Variants in SLC27A1 observed in about 807,000 individuals in gnomAD.
SLC27A1 encodes the protein solute carrier family 27 member 1, also known as long-chain fatty acid transport protein 1.
A neutral mutation model predicts 62.2 loss-of-function variants in SLC27A1; 61 were observed. The ratio of observed to expected loss-of-function variants is 0.98; its 90% CI spans 0.80 to 1.21. SLC27A1 has a LOEUF of 1.21. Among genes scored for constraint, SLC27A1 ranks in the 50% most tolerant of loss-of-function variants. The probability of loss-of-function intolerance (pLI) is 0.00; values close to 1 mark genes in which losing one functional copy is unlikely to be tolerated. For synonymous variants in SLC27A1, 435 were observed against 408.6 expected, an observed-to-expected ratio of 1.06 and a Z score of -0.78; for missense variants, 903 against 932.1, an observed-to-expected ratio of 0.97 and a Z score of 0.41.
chr19:17,492,822 C>T (rs1316559786), intron 6 of SLC27A1, among the ~76,000 whole-genome samples: 1 of 151,914 alleles, frequency 6.6e-6, no homozygotes, highest in Non-Finnish European at 1.5e-5. Context: ...CCTGTAATCC[C>T]AGCTACTCAG....
chr19:17,472,574 T>C (rs1400308734), intron 1 of SLC27A1, among the ~76,000 whole-genome samples: 1 of 152,008 alleles, frequency 6.6e-6, no homozygotes, highest in African/African-American at 2.4e-5. Flanking sequence ...TCGCCCAGGC[T>C]GGAGTGCAGT....
chr19:17,470,346 C>G (rs2075061223), upstream of SLC27A1: 3 of 614,242 alleles, frequency 4.9e-6, no homozygotes, highest in Non-Finnish European at 7.7e-6. Context: ...GGGGCGATGC[C>G]TGGCCTGAGG....
chr19:17,500,554 G>GGCGAGA lies in SLC27A1; in HGVS notation c.1395_1396insGAGAGC (p.Gly465_Tyr466insGluSer). 1 of 1,613,752 alleles carries GGCGAGA rather than the reference G, an allele frequency of 6.2e-7. No homozygotes were observed. Among genetic ancestry groups the GGCGAGA allele is most frequent in the Non-Finnish European group, 8.5e-7 (1 of 1,179,896 alleles). On this transcript the variant is annotated inframe_insertion, in exon 9 of 12. Coordinates refer to ENST00000252595, the MANE Select transcript of SLC27A1 (RefSeq NM_198580.3). ...ACAGGACCCGCTGCGCCGCTTCGAT[G>GGCGAGA]GCTATGTCAGCGAGAGCGCCACCAG...
At chr19:17,469,587 G>A (rs897616529), upstream of SLC27A1, among the ~76,000 whole-genome samples, 1 of 152,114 alleles carries the variant, frequency 6.6e-6, no homozygotes, top group Middle Eastern at 3.2e-3. Flanking sequence ...GGCCGTTCTA[G>A]CACCCATGTC....
Position 17,487,242 on chromosome 19 carries a change from G to C in SLC27A1, c.631G>C (p.Glu211Gln), listed in dbSNP as rs369713751. The C allele has an allele frequency of 7.4e-6, 12 of 1,614,072 alleles. No homozygotes were observed. The South Asian group carries it at 1.3e-4, about 18-fold the overall frequency. The stretch of plus-strand genomic sequence containing the variant: ...GTTCTGCTCTGGAGACTTGGGGCCC[G>C]AGGGCATCTTGCCGGACACCCACCT... ...IKFCSGDLGP[E>Q]GILPDTHLLD... Residue 211 changes from glutamate to glutamine, a missense_variant, in exon 3 of 12, where the codon GAG becomes CAG. Transcript: ENST00000252595.
At chr19:17,502,335 G>GTTTTTTTTTTTTTTTTTTTTTTTTTTTTT in intron 11 of SLC27A1, among the ~76,000 whole-genome samples, 1 of 75,902 alleles carries the variant, frequency 1.3e-5, no homozygotes. Context: ...CTGAAATAGT[G>GTTTTTTTTTTTTTTTTTTTTTTTTTTTTT]TTTTTTTTGT....
intron 1 of SLC27A1, among the ~76,000 whole-genome samples, chr19:17,472,289 G>A (rs1000397305): frequency 2.6e-5 from 4 of 151,726 alleles, no homozygotes; most frequent in Non-Finnish European, 4.4e-5. Context: ...CAGCTACTCG[G>A]GAGGCTGAGG....
At chr19:17,485,585 T>C (rs2075221787) in intron 1 of SLC27A1, among the ~76,000 whole-genome samples, 1 of 151,900 alleles carries the variant, frequency 6.6e-6, no homozygotes, top group African/African-American at 2.4e-5. Context: ...ATTCCAATAC[T>C]TTGGGAGGCC....
At position 17,487,470 on chromosome 19, in the gene SLC27A1, C is replaced by T. The variant is rs1599654085; in HGVS notation, c.735C>T (p.Phe245=). The change falls in exon 4 of 12, where the codon TTC becomes TTT. Residue 245 remains phenylalanine, a synonymous_variant. Coordinates refer to ENST00000252595, the MANE Select transcript of SLC27A1 (RefSeq NM_198580.3). ...CTGTATCTCCTGCAGATCGTCTTTT[C>T]TACATCTACACGTCGGGGACCACCG... is the stretch of plus-strand genomic sequence containing the variant. The part of the protein sequence containing the change: ...IPSKGMDDRL[F]YIYTSGTTGL... The T allele has an allele frequency of 1.7e-5, 26 of 1,521,360 alleles. No homozygotes were observed. The East Asian group carries it at 6.8e-4, about 40-fold the overall frequency. The allele number at this position is 1,521,360 out of a possible 1,614,324, so 94.2% of individuals were successfully genotyped here.
chr19:17,473,520 G>T (rs2075095940), intron 1 of SLC27A1, among the ~76,000 whole-genome samples: 1 of 152,110 alleles, frequency 6.6e-6, no homozygotes, highest in Non-Finnish European at 1.5e-5. Flanking sequence ...TGACATTTTG[G>T]CCTCTGGTTG....
intron 7 of SLC27A1, chr19:17,499,734 A>C (rs2075388693): frequency 6.5e-6 from 1 of 152,684 alleles, no homozygotes; most frequent in African/African-American, 2.4e-5. Context: ...AACCACTTGA[A>C]CGTGGGAGGC....
intron 11 of SLC27A1, among the ~76,000 whole-genome samples, chr19:17,504,197 T>C (rs68033665): frequency 0.49 from 74,610 of 151,926 alleles, 18,659 homozygotes; most frequent in Non-Finnish European, 0.52. Context: ...GCCTGTCATG[T>C]GGGGAATGGA....
chr19:17,486,795 T>A lies in SLC27A1; in HGVS notation c.400T>A (p.Phe134Ile). 2 of 1,601,166 alleles carry A rather than the reference T, an allele frequency of 1.2e-6. No homozygotes were observed. Among genetic ancestry groups the A allele is most frequent in the Non-Finnish European group, 1.7e-6 (2 of 1,174,838 alleles). Reference sequence around the variant, plus strand: ...CGCGCCGGGCGACGTGGTGGCCATCTTCCTGGAGGGCCGGCCGGAGTTCGT... The same window carrying A: ...CGCGCCGGGCGACGTGGTGGCCATCATCCTGGAGGGCCGGCCGGAGTTCGT... Reference protein sequence around the residue: ...GFAPGDVVAIFLEGRPEFVGL... With the variant: ...GFAPGDVVAIILEGRPEFVGL... The change falls in exon 2 of 12, where the codon TTC (phenylalanine) becomes ATC (isoleucine). Residue 134 changes from phenylalanine (F) to isoleucine (I), a missense_variant. Physicochemically the swap from Phe to Ile is conservative, Grantham distance 21 (BLOSUM62 0). Transcript: ENST00000252595. The surrounding 1 kb of genome is among the most constrained non-coding windows in gnomAD (Gnocchi z 6.6).
chr19:17,487,321 G>T lies in SLC27A1; in HGVS notation c.710G>T (p.Ser237Ile). The change falls in exon 3 of 12, where the codon AGC becomes ATC. Residue 237 changes from serine (S) to isoleucine (I), a missense_variant. By Grantham distance (142) the Ser-to-Ile change is moderately radical. Transcript: ENST00000252595. Reference protein sequence around the residue: ...ASTAPLAQIPSKGMDDRLFYI... With the variant: ...ASTAPLAQIPIKGMDDRLFYI... ...ACTGCCCCCTTGGCACAGATCCCCA[G>T]CAAGGGCATGGACGGTGAGTCAAGG... The T allele has an allele frequency of 6.2e-7, 1 of 1,611,482 alleles. No individual in the cohort carries two copies. The highest frequency in any genetic ancestry group is 8.5e-7 in the Non-Finnish European group (1 of 1,179,104).
chr19:17,494,896 C>T (rs2075332828), intron 6 of SLC27A1, among the ~76,000 whole-genome samples: 1 of 151,638 alleles, frequency 6.6e-6, no homozygotes, highest in African/African-American at 2.4e-5. Flanking sequence ...GCGGATGGCA[C>T]ATCTGGTCCT....
chr19:17,495,141 T>C (rs2075335699), intron 6 of SLC27A1, among the ~76,000 whole-genome samples: 1 of 150,234 alleles, frequency 6.7e-6, no homozygotes, highest in Non-Finnish European at 1.5e-5. Flanking sequence ...TCTGGCAAAA[T>C]TTTCTTGTAT....
chr19:17,474,723 C>A (rs1171119591), intron 1 of SLC27A1, among the ~76,000 whole-genome samples: 1 of 151,580 alleles, frequency 6.6e-6, no homozygotes, highest in African/African-American at 2.4e-5. Context: ...CTCCGCCTCC[C>A]AGGTTCAAGT....
At chr19:17,490,747 G>A (rs529692716) in intron 6 of SLC27A1, among the ~76,000 whole-genome samples, 3 of 152,092 alleles carry the variant, frequency 2.0e-5, no homozygotes, top group African/African-American at 7.2e-5. Context: ...GAAAAATTTG[G>A]CCAGGCACAG....
rs74454280 is a variant in SLC27A1, at chr19:17,491,472, G to C, written c.996+2355G>C. Among the ~76,000 whole-genome samples the C allele has an allele frequency of 2.4e-3, 367 of 152,286 alleles. 4 individuals carry two copies. Among genetic ancestry groups the C allele is most frequent in the African/African-American group, 7.7e-3 (318 of 41,558 alleles). On this transcript the variant is annotated intron_variant, in intron 6 of 11. Coordinates refer to ENST00000252595, the MANE Select transcript of SLC27A1 (RefSeq NM_198580.3). ...TGACAGTGATATCTCAGTGTCATCA[G>C]GAATCTGGGCAGTGGCTCAATTCTG...
Sources: allele counts gnomAD v4.1 joint callset (sites outside exome capture counted in the v4.1 genomes callset), GRCh38; gene constraint gnomAD v4.1.1; non-coding constraint Gnocchi (gnomAD v3.1); transcripts MANE v1.5; gene names NCBI Gene and HGNC (gene_info 2026-07-23, HGNC 2026-07-21).